Variants in JAK2 observed in about 807,000 individuals in gnomAD.
The protein encoded by JAK2 is tyrosine-protein kinase JAK2.
Under a neutral mutation model 139.3 loss-of-function variants are expected in JAK2, and 86 were observed. The ratio of observed to expected loss-of-function variants is 0.62; its 90% CI spans 0.52 to 0.74. JAK2 has a LOEUF of 0.74. JAK2 is among the 30% of genes least tolerant of loss of function. The pLI is 0.00. For synonymous variants in JAK2, 490 were observed against 437.7 expected, an observed-to-expected ratio of 1.12 and a Z score of -1.49; for missense variants, 1,421 against 1,360.3, an observed-to-expected ratio of 1.04 and a Z score of -0.70.
intron 2 of JAK2, among the ~76,000 whole-genome samples, chr9:5,011,320 G>A (rs1362762181): frequency 6.6e-6 from 1 of 151,988 alleles, no homozygotes; most frequent in Non-Finnish European, 1.5e-5. Flanking sequence ...CAAGTAGCTG[G>A]GACTACGGGC....
intron 19 of JAK2, 77 bp downstream of exon 19, chr9:5,081,938 C>G: frequency 8.4e-7 from 1 of 1,197,354 alleles, no homozygotes; most frequent in Non-Finnish European, 1.2e-6. Flanking sequence ...CTAAAGTTCA[C>G]TTTCTACAAC....
chr9:5,089,739 C>T lies in JAK2; in HGVS notation c.2637C>T (p.Val879=), dbSNP rs750268434. The part of the protein sequence containing the change: ...DPLQDNTGEV[V]AVKKLQHSTE... ...TACAGGACAACACTGGGGAGGTGGT[C>T]GCTGTAAAAAAGCTTCAGCATAGTA... Residue 879 remains valine (V), a synonymous_variant, in exon 20 of 25, where the codon GTC becomes GTT. Transcript: ENST00000381652. 7.6e-6 allele frequency: 12 copies of T among 1,578,964 alleles called. No individual in the cohort carries two copies. The highest frequency in any genetic ancestry group is 1.2e-5 in the South Asian group (1 of 86,428).
At chr9:4,992,010 C>T (rs1820285104) in intron 2 of JAK2, among the ~76,000 whole-genome samples, 3 of 152,168 alleles carry the variant, frequency 2.0e-5, no homozygotes, top group Admixed American at 2.0e-4. Context: ...ATTAGGCTCA[C>T]AGATACCATG....
intron 18 of JAK2, 96 bp from the exon 19 acceptor site, chr9:5,081,629 A>T (rs1819707013): frequency 1.3e-6 from 1 of 787,582 alleles, no homozygotes; most frequent in Non-Finnish European, 2.1e-6. Flanking sequence ...TAGTATTTTT[A>T]ACTCACGATT....
At chr9:4,988,055 C>T (rs2129685947) in intron 2 of JAK2, among the ~76,000 whole-genome samples, 1 of 152,338 alleles carries the variant, frequency 6.6e-6, no homozygotes, top group East Asian at 1.9e-4. Context: ...TGTGTCTCTG[C>T]TTAAACCCCC....
intron 2 of JAK2, among the ~76,000 whole-genome samples, chr9:5,015,700 G>A (rs559293865): frequency 6.6e-6 from 1 of 152,102 alleles, no homozygotes; most frequent in African/African-American, 2.4e-5. Flanking sequence ...AAGCCAATTC[G>A]AGTCACTTAT....
intron 22 of JAK2, among the ~76,000 whole-genome samples, chr9:5,106,107 A>G (rs575127513): frequency 6.6e-6 from 1 of 152,328 alleles, no homozygotes; most frequent in East Asian, 1.9e-4. Context: ...ACAAACTACC[A>G]TTAGAGTGGA....
chr9:5,020,887 G>A (rs750234038), intron 2 of JAK2, among the ~76,000 whole-genome samples: 1 of 152,140 alleles, frequency 6.6e-6, no homozygotes, highest in Non-Finnish European at 1.5e-5. Context: ...AGGCATTCTG[G>A]TGTGGGTTGG....
intron 19 of JAK2, among the ~76,000 whole-genome samples, chr9:5,082,094 TGA>T (rs1819742237): frequency 6.6e-6 from 1 of 151,988 alleles, no homozygotes; most frequent in Non-Finnish European, 1.5e-5. Flanking sequence ...GACCAGAGAC[TGA>T]GAAAAGAAAG....
At chr9:5,121,062 T>C (rs1241574718) in intron 22 of JAK2, among the ~76,000 whole-genome samples, 1 of 152,088 alleles carries the variant, frequency 6.6e-6, no homozygotes, top group Non-Finnish European at 1.5e-5. Context: ...GAGGAATAAA[T>C]CTGATGAAGA....
At chr9:5,106,396 A>G (rs1057122099) in intron 22 of JAK2, among the ~76,000 whole-genome samples, 1 of 152,208 alleles carries the variant, frequency 6.6e-6, no homozygotes, top group Non-Finnish European at 1.5e-5. Flanking sequence ...GACAGGAAAC[A>G]ACAGATGCTG....
intron 22 of JAK2, chr9:5,100,385 C>T (rs2130741102): frequency 6.6e-6 from 1 of 152,334 alleles, no homozygotes; most frequent in East Asian, 1.9e-4. Flanking sequence ...TATTAATCAA[C>T]ACACTAACTG....
At chr9:5,085,885 T>G (rs748396262) in intron 19 of JAK2, 31 of 807,092 alleles carry the variant, frequency 3.8e-5, no homozygotes, top group Non-Finnish European at 6.7e-5. Flanking sequence ...GTTGTTGATA[T>G]GAGCGGTTCC....
intron 11 of JAK2, among the ~76,000 whole-genome samples, chr9:5,069,519 C>T (rs921983116): frequency 6.6e-6 from 1 of 151,988 alleles, no homozygotes; most frequent in African/African-American, 2.4e-5. Flanking sequence ...TTTTCATATA[C>T]TTCGAGGATT....
intron 11 of JAK2, among the ~76,000 whole-genome samples, chr9:5,069,432 A>G (rs1488391662): frequency 6.6e-6 from 1 of 152,190 alleles, no homozygotes; most frequent in East Asian, 1.9e-4. Flanking sequence ...GAGATTTTAA[A>G]CATAATGTGT....
chr9:5,056,177 A>G (rs187311112), intron 8 of JAK2, among the ~76,000 whole-genome samples: 1 of 152,104 alleles, frequency 6.6e-6, no homozygotes, highest in African/African-American at 2.4e-5. Flanking sequence ...AAATAAATCA[A>G]TGATGTCTGG....
intron 22 of JAK2, among the ~76,000 whole-genome samples, chr9:5,103,067 G>A (rs111751030): frequency 0.24 from 36,507 of 151,310 alleles, 4,829 homozygotes; most frequent in South Asian, 0.3. Context: ...ATGTAAATGG[G>A]ATGAATGCCC....
intron 22 of JAK2, chr9:5,112,620 T>A: frequency 1.0e-6 from 1 of 952,678 alleles, no homozygotes; most frequent in Admixed American, 2.5e-5. Context: ...ATGTGGCAAC[T>A]GCACCTCAAC....
At chr9:5,112,826 C>T (rs1822742097) in intron 22 of JAK2, 2 of 558,886 alleles carry the variant, frequency 3.6e-6, no homozygotes, top group African/African-American at 1.9e-5. Context: ...GAGTGAAGCC[C>T]ACAACCCCGC....
Sources: allele counts gnomAD v4.1 joint callset (sites outside exome capture counted in the v4.1 genomes callset), GRCh38; gene constraint gnomAD v4.1.1; transcripts MANE v1.5; gene names NCBI Gene and HGNC (gene_info 2026-07-23, HGNC 2026-07-21).